Variants in CACNA1A observed in about 807,000 individuals in gnomAD.
CACNA1A encodes the protein calcium voltage-gated channel subunit alpha1 A, also known as voltage-dependent P/Q-type calcium channel subunit alpha-1A.
A neutral mutation model predicts 262.4 loss-of-function variants in CACNA1A; 57 were observed. The ratio of observed to expected loss-of-function variants is 0.22; its 90% CI spans 0.18 to 0.27. The LOEUF (loss-of-function observed/expected upper bound fraction) is 0.27. CACNA1A is among the 10% of genes least tolerant of loss of function. The probability of loss-of-function intolerance (pLI) is 1.00; values close to 1 mark genes in which losing one functional copy is unlikely to be tolerated. For synonymous variants in CACNA1A, 1,431 were observed against 1,419.3 expected (o/e 1.01, Z -0.18); for missense variants, 2,526 against 3,562.8 (o/e 0.71, Z 7.41).
intron 1 of CACNA1A, among the ~76,000 whole-genome samples, chr19:13,466,676 G>GCTGCTA (rs113712314): frequency 0.084 from 12,648 of 151,144 alleles, 854 homozygotes; most frequent in East Asian, 0.39. Flanking sequence ...TGCTGCTGCT[G>GCTGCTA]CTACTTTCTT....
chr19:13,335,433 A>T (rs1383435029), intron 7 of CACNA1A, among the ~76,000 whole-genome samples: 1 of 152,218 alleles, frequency 6.6e-6, no homozygotes, highest in Non-Finnish European at 1.5e-5. Flanking sequence ...ATGGTAAGAA[A>T]AATGAAGCCC....
intron 45 of CACNA1A, 56 bp from the exon 46 acceptor site, chr19:13,209,065 C>CA (rs1262888856): frequency 3.9e-6 from 6 of 1,534,390 alleles, no homozygotes; most frequent in East Asian, 2.4e-5. Flanking sequence ...AGAGGTGGGG[C>CA]AGATGCACAC....
chr19:13,276,887 T>C (rs541344286), intron 23 of CACNA1A, among the ~76,000 whole-genome samples, 182 bp downstream of exon 23: 2 of 151,942 alleles, frequency 1.3e-5, no homozygotes, highest in African/African-American at 2.4e-5. Context: ...AATTTTTGTA[T>C]TTTTAGTAGA....
intron 3 of CACNA1A, among the ~76,000 whole-genome samples, chr19:13,448,583 A>C (rs1321644822): frequency 1.3e-5 from 2 of 152,200 alleles, no homozygotes; most frequent in African/African-American, 4.8e-5. Context: ...CAGCCAGCAG[A>C]AGCCAGCCCC....
At chr19:13,502,840 C>T (rs1468310853) in intron 1 of CACNA1A, among the ~76,000 whole-genome samples, 1 of 152,132 alleles carries the variant, frequency 6.6e-6, no homozygotes, top group Non-Finnish European at 1.5e-5. Context: ...CACCAGTGTA[C>T]CATGCCAGAA....
In CACNA1A at chr19:13,326,559, G is replaced by C. The variant is rs565649305; in HGVS notation, c.1345+3685C>G. Among the ~76,000 whole-genome samples, 11 of 152,148 alleles carry C rather than the reference G, an allele frequency of 7.2e-5. No individual in the cohort carries two copies. The East Asian group carries it at 2.1e-3, about 30-fold the overall frequency. On this transcript the variant is annotated intron_variant, in intron 10 of 46. Transcript: ENST00000360228. ...CCACTGCTTTGGGAGGTGGAGGTAG[G>C]AGGATTGTTTGAGGCCAGGAGTTTG... is the stretch of plus-strand genomic sequence containing the variant.
At chr19:13,284,534 C>T (rs920445991) in intron 21 of CACNA1A, 12 of 152,316 alleles carry the variant, frequency 7.9e-5, no homozygotes, top group African/African-American at 2.9e-4. Flanking sequence ...CTACGACATT[C>T]ATGGGATAAA....
chr19:13,464,543 A>ATTTTTTTTTTTTTTTTTTTTTTTTTTTTT (rs540418372), intron 1 of CACNA1A, among the ~76,000 whole-genome samples: 9 of 128,950 alleles, frequency 7.0e-5, no homozygotes, highest in East Asian at 2.3e-4. Flanking sequence ...AACTTTTCCA[A>ATTTTTTTTTTTTTTTTTTTTTTTTTTTTT]TTTTTTTTTT....
chr19:13,293,049 T>C (rs1292312451), intron 19 of CACNA1A, among the ~76,000 whole-genome samples: 1 of 152,154 alleles, frequency 6.6e-6, no homozygotes, highest in African/African-American at 2.4e-5. Flanking sequence ...AGTTTCTTCC[T>C]CTGAAGAAGA....
intron 18 of CACNA1A, 81 bp downstream of exon 18, chr19:13,300,469 C>T (rs1334754623): frequency 7.3e-6 from 7 of 953,424 alleles, no homozygotes. Context: ...AGGACCACCC[C>T]CACTGCTTCC....
At chr19:13,463,670 G>A (rs2061167507) in intron 1 of CACNA1A, among the ~76,000 whole-genome samples, 1 of 152,214 alleles carries the variant, frequency 6.6e-6, no homozygotes, top group Non-Finnish European at 1.5e-5. Context: ...GATTAATCAT[G>A]TCATCAGGAA....
At chr19:13,473,985 C>T (rs1313491845) in intron 1 of CACNA1A, among the ~76,000 whole-genome samples, 1 of 152,176 alleles carries the variant, frequency 6.6e-6, no homozygotes, top group Non-Finnish European at 1.5e-5. Context: ...GGGTCTGCCT[C>T]GCCTTTTCCA....
intron 19 of CACNA1A, 116 bp from the exon 20 acceptor site, chr19:13,287,082 T>G (rs1414009655): frequency 1.2e-6 from 1 of 856,278 alleles, no homozygotes; most frequent in African/African-American, 1.7e-5. Flanking sequence ...CTGGGCGCAG[T>G]GGCTCACGCC....
intron 6 of CACNA1A, among the ~76,000 whole-genome samples, chr19:13,349,965 G>A (rs1389578500): frequency 2.0e-5 from 3 of 152,292 alleles, no homozygotes; most frequent in East Asian, 3.9e-4. Flanking sequence ...GGGCATGGGA[G>A]CCATGTGGAT....
At position 13,214,557 on chromosome 19, in the gene CACNA1A, G is replaced by A. The variant is rs1483005213; in HGVS notation, c.5783C>T (p.Ala1928Val). Residue 1928 changes from alanine to valine, a missense_variant, in exon 39 of 47, where the codon GCG becomes GTG. Ala to Val is a moderately conservative substitution (Grantham distance 64). Around this residue, in one of 17 missense-constraint regions of CACNA1A, gnomAD observed 112 missense variants for 197.2 expected, o/e 0.57. Transcript: ENST00000360228. This position sits in a 1 kb window ranked among gnomAD's most constrained non-coding sequence, Gnocchi z 4.1. ...MDAELRKEMM[A>V]IWPNLSQKTL... ...CTTCTGGGACAGATTGGGCCAAATC[G>A]CCATCATCTCCTTCCGCAGCTCAGC... The A allele has an allele frequency of 4.3e-6, 7 of 1,613,940 alleles. No homozygotes were observed. Among genetic ancestry groups the A allele is most frequent in the East Asian group, 2.2e-5 (1 of 44,872 alleles).
At chr19:13,279,034 A>G (rs987459059) in intron 22 of CACNA1A, among the ~76,000 whole-genome samples, 1 of 152,102 alleles carries the variant, frequency 6.6e-6, no homozygotes, top group Non-Finnish European at 1.5e-5. Flanking sequence ...TGCAGGGACC[A>G]TCTCATACCC....
intron 37 of CACNA1A, 112 bp downstream of exon 37, chr19:13,227,319 G>A (rs529373971): frequency 1.2e-5 from 6 of 510,004 alleles, no homozygotes; most frequent in African/African-American, 7.9e-5. Context: ...GAAGAGAAAC[G>A]TTGGAAAAAG....
In CACNA1A at chr19:13,502,157, T is replaced by TAA. The variant is rs57962801; in HGVS notation, c.293+3773_293+3774dup. ...AAGTTTCTCTTTAGAGAGCTTTTCT[T>TAA]AAAAAAAAAAAAAAAAAAAAAAATG... On this transcript the variant is annotated intron_variant, in intron 1 of 46. Transcript: ENST00000360228. 1.6e-4 allele frequency among the ~76,000 whole-genome samples: 22 copies of TAA among 138,074 alleles called. No homozygotes were observed. The South Asian group carries it at 1.9e-3, about 12-fold the overall frequency. 90.6% of individuals were successfully genotyped at this position (138,074 alleles called of 152,430 possible).
intron 1 of CACNA1A, among the ~76,000 whole-genome samples, chr19:13,480,371 G>A (rs1039653990): frequency 1.3e-5 from 2 of 152,118 alleles, no homozygotes; most frequent in Non-Finnish European, 2.9e-5. Context: ...TCTTCCTTAT[G>A]ATTTTCTTAA....
Sources: gnomAD v4.1 joint callset for allele counts (sites outside exome capture counted in the v4.1 genomes callset) on GRCh38, gnomAD v4.1.1 for gene constraint, gnomAD v4.1.1 regional missense constraint, Gnocchi (gnomAD v3.1) non-coding constraint, MANE v1.5 for transcripts, NCBI Gene and HGNC (gene_info 2026-07-23, HGNC 2026-07-21) for gene names.